The following CNTN5 variants were observed in gnomAD, a reference collection of about 807,000 sequenced individuals.
CNTN5 encodes the protein contactin-5.
CNTN5 carries 77 observed loss-of-function variants against 129.1 expected under a neutral mutation model. That is an observed-to-expected ratio of 0.60 (90% CI 0.50 to 0.72). The LOEUF (loss-of-function observed/expected upper bound fraction) is 0.72, where lower values mean the gene tolerates loss of function less well. Ranked by LOEUF, CNTN5 falls within the 30% of genes least tolerant of loss-of-function variation. CNTN5 has a pLI of 0.00. For missense variants in CNTN5, 1,478 were observed against 1,328.8 expected (o/e 1.11, Z -1.75); for synonymous variants, 509 against 465.6 (o/e 1.09, Z -1.20).
chr11:99,630,466 T>G (rs548985780), intron 3 of CNTN5, among the ~76,000 whole-genome samples: 1 of 152,100 alleles, frequency 6.6e-6, no homozygotes, highest in Non-Finnish European at 1.5e-5. Flanking sequence ...CATAGGTGAC[T>G]CAAATGATTA....
At chr11:99,139,771 A>T (rs1859424018) in intron 1 of CNTN5, among the ~76,000 whole-genome samples, 1 of 152,174 alleles carries the variant, frequency 6.6e-6, no homozygotes. Context: ...CAATTATGCT[A>T]ACAGAATGAA....
At chr11:99,063,180 C>T (rs1273673722) in intron 1 of CNTN5, among the ~76,000 whole-genome samples, 1 of 152,016 alleles carries the variant, frequency 6.6e-6, no homozygotes, top group African/African-American at 2.4e-5. Context: ...AAATTTATCA[C>T]AGCCAGTAAA....
At chr11:99,097,015 C>T (rs1866496640) in intron 1 of CNTN5, among the ~76,000 whole-genome samples, 1 of 151,822 alleles carries the variant, frequency 6.6e-6, no homozygotes, top group Non-Finnish European at 1.5e-5. Context: ...CAGTGCTACA[C>T]TTTATTAGCT....
Position 99,997,339 on chromosome 11 carries a change from A to G in CNTN5, c.878-4695A>G, listed in dbSNP as rs551652010. On this transcript the variant is annotated intron_variant, in intron 8 of 24. Transcript: ENST00000524871. Reference sequence around the variant, plus strand: ...TTTTAATTGTGATGTTAGGGTGTCAATTTTGGATCAACTACCATCAGAGAA... The same window carrying G: ...TTTTAATTGTGATGTTAGGGTGTCAGTTTTGGATCAACTACCATCAGAGAA... Among the ~76,000 whole-genome samples the G allele has an allele frequency of 6.6e-5, 10 of 152,220 alleles. No individual in the cohort carries two copies. The South Asian group carries it at 1.2e-3, about 19-fold the overall frequency.
chr11:99,037,706 A>G (rs1228824551), intron 1 of CNTN5, among the ~76,000 whole-genome samples: 1 of 150,132 alleles, frequency 6.7e-6, no homozygotes, highest in African/African-American at 2.5e-5. Flanking sequence ...CAGCGTCCCA[A>G]GTAGCTGGGA....
intron 1 of CNTN5, among the ~76,000 whole-genome samples, chr11:99,115,494 C>T (rs1858002554): frequency 6.6e-6 from 1 of 152,132 alleles, no homozygotes; most frequent in South Asian, 2.1e-4. Context: ...TGCGGTGGCT[C>T]ATGCCTGTAA....
intron 8 of CNTN5, among the ~76,000 whole-genome samples, chr11:99,989,054 A>G (rs7938054): frequency 0.39 from 58,512 of 151,764 alleles, 12,367 homozygotes; most frequent in African/African-American, 0.57. Context: ...TATCTGTGAG[A>G]CATATTTCTT....
At chr11:99,327,267 C>T (rs898377638) in intron 2 of CNTN5, among the ~76,000 whole-genome samples, 9 of 152,066 alleles carry the variant, frequency 5.9e-5, no homozygotes, top group Non-Finnish European at 1.2e-4. Flanking sequence ...GATGGATAAG[C>T]AATTTGAATT....
chr11:100,099,650 T>C (rs1484026621), intron 13 of CNTN5, among the ~76,000 whole-genome samples: 1 of 152,208 alleles, frequency 6.6e-6, no homozygotes, highest in East Asian at 1.9e-4. Context: ...TCTTTCTCTT[T>C]CTAGAATGGT....
chr11:99,667,668 C>T (rs1205264330), intron 3 of CNTN5, among the ~76,000 whole-genome samples: 1 of 152,064 alleles, frequency 6.6e-6, no homozygotes, highest in East Asian at 1.9e-4. Context: ...AGCTGGAAGC[C>T]ATCATCCTCG....
At chr11:99,853,083 G>A (rs1470496384) in intron 6 of CNTN5, among the ~76,000 whole-genome samples, 2 of 151,972 alleles carry the variant, frequency 1.3e-5, no homozygotes, top group Admixed American at 6.6e-5. Flanking sequence ...ATAAATAAAG[G>A]GGCAGATAGA....
At chr11:99,937,376 A>T (rs1219066307) in intron 7 of CNTN5, among the ~76,000 whole-genome samples, 1 of 152,198 alleles carries the variant, frequency 6.6e-6, no homozygotes, top group East Asian at 1.9e-4. Context: ...AAGCATCGAA[A>T]ATGAGTGCCG....
At chr11:99,821,409 A>G (rs1181806461) in intron 4 of CNTN5, among the ~76,000 whole-genome samples, 2 of 152,216 alleles carry the variant, frequency 1.3e-5, no homozygotes, top group Non-Finnish European at 2.9e-5. Context: ...TTGGGTAATT[A>G]GCAGACAGAA....
intron 13 of CNTN5, among the ~76,000 whole-genome samples, chr11:100,082,683 C>T (rs1042334412): frequency 5.3e-5 from 8 of 152,044 alleles, no homozygotes; most frequent in East Asian, 1.9e-4. Context: ...TCATTGAACA[C>T]GGTAGAAATT....
At chr11:99,500,167 C>A (rs149758907) in intron 2 of CNTN5, among the ~76,000 whole-genome samples, 2 of 152,106 alleles carry the variant, frequency 1.3e-5, no homozygotes, top group African/African-American at 4.8e-5. Context: ...ATTAGGCTGG[C>A]GCAAAAGTAA....
intron 3 of CNTN5, among the ~76,000 whole-genome samples, chr11:99,609,315 G>A (rs902047565): frequency 6.6e-6 from 1 of 152,118 alleles, no homozygotes; most frequent in African/African-American, 2.4e-5. Flanking sequence ...TCTGAGCAAG[G>A]ATACACAGAC....
At position 99,093,807 on chromosome 11, in the gene CNTN5, G is replaced by T. The variant is rs529027577; in HGVS notation, c.-210+72537G>T. ...AGGCGAGTTAGGGAAATGCAGGTCAGGGCAAGTACAGTTATCTTTATGAGG... is the reference window on the plus strand; with the variant it reads ...AGGCGAGTTAGGGAAATGCAGGTCATGGCAAGTACAGTTATCTTTATGAGG... On this transcript the variant is annotated intron_variant, in intron 1 of 24. Coordinates refer to ENST00000524871, the MANE Select transcript of CNTN5 (RefSeq NM_014361.4). 3.9e-4 allele frequency among the ~76,000 whole-genome samples: 59 copies of T among 151,930 alleles called. 1 individual carries two copies. The highest frequency in any genetic ancestry group is 1.3e-3 in the African/African-American group (54 of 41,496).
intron 7 of CNTN5, among the ~76,000 whole-genome samples, chr11:99,956,172 G>A (rs965288528): frequency 6.6e-6 from 1 of 151,766 alleles, no homozygotes; most frequent in African/African-American, 2.4e-5. Flanking sequence ...TATGAAGTAC[G>A]TAATATTCTA....
intron 3 of CNTN5, among the ~76,000 whole-genome samples, chr11:99,691,187 C>CA (rs139080017): frequency 0.086 from 12,504 of 145,362 alleles, 604 homozygotes; most frequent in East Asian, 0.21. Flanking sequence ...TTAATTTTTT[C>CA]AAAAAAAAAA....
Sources: allele counts gnomAD v4.1 joint callset (sites outside exome capture counted in the v4.1 genomes callset), GRCh38; gene constraint gnomAD v4.1.1; transcripts MANE v1.5; gene names NCBI Gene and HGNC (gene_info 2026-07-23, HGNC 2026-07-21).